The following GABPB1 variants were observed in gnomAD, a reference collection of about 807,000 sequenced individuals.
GABPB1 encodes the protein GA binding protein transcription factor subunit beta 1.
A neutral mutation model predicts 45.9 loss-of-function variants in GABPB1; 15 were observed. The observed-to-expected ratio is 0.33, with a 90% CI of 0.22 to 0.50. The LOEUF (loss-of-function observed/expected upper bound fraction) is 0.50. Ranked by LOEUF, GABPB1 falls within the 20% of genes least tolerant of loss-of-function variation. The probability of loss-of-function intolerance (pLI) is 0.98; values close to 1 mark genes in which losing one functional copy is unlikely to be tolerated. For missense variants in GABPB1, 252 were observed against 457.5 expected (o/e 0.55, Z 4.10); for synonymous variants, 143 against 154.4 (o/e 0.93, Z 0.55).
intron 1 of GABPB1, among the ~76,000 whole-genome samples, chr15:50,337,221 CAAG>C (rs1476772877): frequency 4.0e-5 from 6 of 149,922 alleles, no homozygotes; most frequent in South Asian, 2.1e-4. Context: ...ACTTCAGTAG[CAAG>C]AAGGACAGTG....
chr15:50,354,293 G>A (rs1195618372), intron 1 of GABPB1: 1 of 437,260 alleles, frequency 2.3e-6, no homozygotes, highest in African/African-American at 2.1e-5. Flanking sequence ...CCTTCAGAAC[G>A]GCAGGCTTCT....
chr15:50,298,573 T>C (rs1183303268), intron 6 of GABPB1, among the ~76,000 whole-genome samples: 3 of 152,204 alleles, frequency 2.0e-5, no homozygotes, highest in African/African-American at 7.2e-5. Flanking sequence ...AAGTGATTCA[T>C]ACAAATCTTA....
At chr15:50,337,079 A>G (rs1386159174) in intron 1 of GABPB1, among the ~76,000 whole-genome samples, 89 of 1,788 alleles carry the variant, frequency 0.05, no homozygotes, top group East Asian at 0.12. Context: ...GTGTGTGTAT[A>G]TATATATATA....
At chr15:50,307,438 C>T (rs1166333989) in intron 2 of GABPB1, among the ~76,000 whole-genome samples, 1 of 152,020 alleles carries the variant, frequency 6.6e-6, no homozygotes, top group Non-Finnish European at 1.5e-5. Context: ...GGATACTAAT[C>T]CTTCTTAAGA....
intron 1 of GABPB1, among the ~76,000 whole-genome samples, chr15:50,339,654 T>C (rs2048279579): frequency 6.6e-6 from 1 of 151,884 alleles, no homozygotes; most frequent in Admixed American, 6.6e-5. Context: ...AAATTAGTCA[T>C]AATTTTCTAA....
At chr15:50,282,569 A>AAAAAAAAAAAAAAC in intron 8 of GABPB1, among the ~76,000 whole-genome samples, 1 of 150,880 alleles carries the variant, frequency 6.6e-6, no homozygotes, top group Non-Finnish European at 1.5e-5. Flanking sequence ...AGAAAAAAAA[A>AAAAAAAAAAAAAAC]AAAAAACAGA....
intron 1 of GABPB1, among the ~76,000 whole-genome samples, chr15:50,332,708 A>G (rs1225991450): frequency 6.6e-6 from 1 of 152,132 alleles, no homozygotes; most frequent in East Asian, 1.9e-4. Flanking sequence ...ATAAGGATTC[A>G]TTATACTCTT....
At chr15:50,286,019 T>C (rs766337574) in intron 8 of GABPB1, 49 bp downstream of exon 8, 1 of 1,587,508 alleles carries the variant, frequency 6.3e-7, no homozygotes, top group Non-Finnish European at 8.5e-7. Context: ...AAAAATTGAA[T>C]TTATTTTGGA....
rs182337657 is a variant in GABPB1 at position 50,342,752 on chromosome 15, T to C, written c.-1+12233A>G. Among the ~76,000 whole-genome samples the C allele has an allele frequency of 3.0e-4, 46 of 152,338 alleles. No homozygotes were observed. The East Asian group carries it at 8.7e-3, about 29-fold the overall frequency. ...TAGTAACATATATAGATAATTACCA[T>C]GTAAGATATATTTTTTATTGGGAGT... On this transcript the variant is annotated intron_variant, in intron 1 of 8. Coordinates refer to ENST00000380877, the MANE Select transcript of GABPB1 (RefSeq NM_016654.5).
chr15:50,354,305 C>T (rs945880443), intron 1 of GABPB1: 19 of 446,440 alleles, frequency 4.3e-5, no homozygotes, highest in Non-Finnish European at 8.5e-5. Context: ...CAGGCTTCTC[C>T]CCCTCAGGAC....
chr15:50,351,076 T>C (rs1010071760), intron 1 of GABPB1: 5 of 152,258 alleles, frequency 3.3e-5, no homozygotes, highest in Non-Finnish European at 5.9e-5. Flanking sequence ...TTAAGGTCCG[T>C]TCCTACCCTA....
chr15:50,291,411 C>T (rs913847343), intron 6 of GABPB1, among the ~76,000 whole-genome samples: 10 of 151,866 alleles, frequency 6.6e-5, no homozygotes, highest in African/African-American at 2.4e-4. Flanking sequence ...ATCCGCCTCC[C>T]GAGTTCAAGC....
chr15:50,337,353 T>A (rs1288612004), intron 1 of GABPB1, among the ~76,000 whole-genome samples: 1 of 151,832 alleles, frequency 6.6e-6, no homozygotes, highest in African/African-American at 2.4e-5. Context: ...ATTTGTAATT[T>A]TTAAAGCATT....
At chr15:50,313,840 C>T (rs571315436) in intron 1 of GABPB1, among the ~76,000 whole-genome samples, 2 of 151,984 alleles carry the variant, frequency 1.3e-5, no homozygotes, top group African/African-American at 2.4e-5. Flanking sequence ...ACTATATTAC[C>T]TAATTTAAAA....
At chr15:50,297,766 C>T (rs988615176) in intron 6 of GABPB1, among the ~76,000 whole-genome samples, 16 of 152,234 alleles carry the variant, frequency 1.1e-4, no homozygotes, top group Admixed American at 4.6e-4. Flanking sequence ...ACCCAGGAGG[C>T]GGAGGCTTCA....
rs538827362 is a variant in GABPB1, at chr15:50,311,577, T to C, written c.1-1779A>G. On this transcript the variant is annotated intron_variant, in intron 1 of 8. Transcript: ENST00000380877. The stretch of plus-strand genomic sequence containing the variant: ...TCATTAGAGCATTTCAGATTTTGCA[T>C]TTTTGCATTAGGGATGCTGAACCAG... 2.0e-5 allele frequency among the ~76,000 whole-genome samples: 3 copies of C among 152,348 alleles called. No homozygotes were observed. The South Asian group carries it at 6.2e-4, about 32-fold the overall frequency.
intron 6 of GABPB1, among the ~76,000 whole-genome samples, chr15:50,291,917 C>CAA (rs1369368939): frequency 0.23 from 19,035 of 83,132 alleles, 1,654 homozygotes; most frequent in Middle Eastern, 0.3. Context: ...GACTCTGTCT[C>CAA]AAAAAAAAAA....
At chr15:50,343,020 G>C (rs895965402) in intron 1 of GABPB1, among the ~76,000 whole-genome samples, 15 of 151,852 alleles carry the variant, frequency 9.9e-5, no homozygotes, top group African/African-American at 3.4e-4. Flanking sequence ...CTGCCTCAGC[G>C]TCCCGAGTAG....
chr15:50,326,592 G>C (rs963660747), intron 1 of GABPB1, among the ~76,000 whole-genome samples: 1 of 152,098 alleles, frequency 6.6e-6, no homozygotes, highest in Non-Finnish European at 1.5e-5. Context: ...AACCCGGAAG[G>C]CAGAGGTTGC....
Sources: allele counts gnomAD v4.1 joint callset (sites outside exome capture counted in the v4.1 genomes callset), GRCh38; gene constraint gnomAD v4.1.1; transcripts MANE v1.5; gene names NCBI Gene and HGNC (gene_info 2026-07-23, HGNC 2026-07-21).